Variants in CDH12 observed in about 807,000 individuals in gnomAD.
CDH12 encodes the protein cadherin 12.
A neutral mutation model predicts 74.1 loss-of-function variants in CDH12; 41 were observed. That is an observed-to-expected ratio of 0.55 (90% CI 0.43 to 0.72). The LOEUF (loss-of-function observed/expected upper bound fraction) is 0.72, where lower values mean the gene tolerates loss of function less well. Ranked by LOEUF, CDH12 falls within the 30% of genes least tolerant of loss-of-function variation. The pLI is 0.00. For synonymous variants in CDH12, 399 were observed against 355.0 expected (o/e 1.12, Z -1.39); for missense variants, 945 against 977.2 (o/e 0.97, Z 0.44).
chr5:22,681,821 GT>G (rs1409325193), intron 1 of CDH12, among the ~76,000 whole-genome samples: 1 of 151,964 alleles, frequency 6.6e-6, no homozygotes, highest in Non-Finnish European at 1.5e-5. Flanking sequence ...GAGATTGTTT[GT>G]TTTTGTTGAA....
At chr5:21,781,080 G>A (rs1170991658) in intron 11 of CDH12, among the ~76,000 whole-genome samples, 1 of 152,100 alleles carries the variant, frequency 6.6e-6, no homozygotes, top group Non-Finnish European at 1.5e-5. Context: ...TGCCCAAAGA[G>A]GGCAGATATG....
intron 1 of CDH12, among the ~76,000 whole-genome samples, chr5:22,757,405 T>C (rs995223079): frequency 2.0e-5 from 3 of 152,200 alleles, no homozygotes; most frequent in African/African-American, 2.4e-5. Context: ...CTGAGGTGTC[T>C]AGGATTATTG....
Position 22,442,066 on chromosome 5 carries a change from A to C in CDH12, c.-427-36715T>G, listed in dbSNP as rs187461070. Among the ~76,000 whole-genome samples the C allele has an allele frequency of 3.7e-3, 560 of 152,286 alleles. 4 individuals are homozygous for C. Among genetic ancestry groups the C allele is most frequent in the Middle Eastern group, 0.017 (5 of 294 alleles). ...AAAGAAGGATTTAAAGTAATATAAC[A>C]AAAGAATATCCTATATTTCACAGAT... On this transcript the variant is annotated intron_variant, in intron 2 of 14. Transcript: ENST00000382254.
At chr5:22,576,911 A>C (rs1206313361) in intron 1 of CDH12, among the ~76,000 whole-genome samples, 1 of 152,096 alleles carries the variant, frequency 6.6e-6, no homozygotes, top group Non-Finnish European at 1.5e-5. Context: ...CTTCTTAAAA[A>C]CTGTTATCAT....
intron 1 of CDH12, among the ~76,000 whole-genome samples, chr5:22,769,748 G>A (rs1465990572): frequency 6.6e-6 from 1 of 151,864 alleles, no homozygotes; most frequent in African/African-American, 2.4e-5. Flanking sequence ...ATATAATGGG[G>A]GAGTGGGGTG....
chr5:22,655,205 C>T (rs1739970559), intron 1 of CDH12, among the ~76,000 whole-genome samples: 1 of 152,156 alleles, frequency 6.6e-6, no homozygotes, highest in African/African-American at 2.4e-5. Context: ...ACTGGCAATG[C>T]CCTGGACTGA....
chr5:22,409,745 A>C (rs933974529), intron 2 of CDH12, among the ~76,000 whole-genome samples: 1 of 152,096 alleles, frequency 6.6e-6, no homozygotes, highest in African/African-American at 2.4e-5. Flanking sequence ...TACAGCAAAG[A>C]AGCTTAATTG....
intron 1 of CDH12, among the ~76,000 whole-genome samples, chr5:22,839,090 A>C (rs1018202673): frequency 1.3e-5 from 2 of 152,132 alleles, no homozygotes; most frequent in East Asian, 3.9e-4. Context: ...ATATATTTGA[A>C]AGTTTCTTAT....
intron 3 of CDH12, among the ~76,000 whole-genome samples, chr5:22,219,456 C>G (rs1405719109): frequency 6.6e-6 from 1 of 151,634 alleles, no homozygotes; most frequent in South Asian, 2.1e-4. Flanking sequence ...TCAACTTGCT[C>G]TTTTTCACTC....
At position 22,832,912 on chromosome 5, in the gene CDH12, G is replaced by A. The variant is rs370812770; in HGVS notation, c.-523+20146C>T. Among the ~76,000 whole-genome samples, 36 of 152,200 alleles carry A rather than the reference G, an allele frequency of 2.4e-4. No individual in the cohort carries two copies. In the South Asian group the frequency reaches 3.3e-3, roughly 14 times the overall value. On this transcript the variant is annotated intron_variant, in intron 1 of 14. Coordinates refer to ENST00000382254, the MANE Select transcript of CDH12 (RefSeq NM_004061.5). ...TTCACACCTGATATGCATCTTCAGC[G>A]CCATTCAGGTGTTTTTATTTAAATT...
At chr5:22,433,345 T>C (rs1183009106) in intron 2 of CDH12, among the ~76,000 whole-genome samples, 1 of 152,124 alleles carries the variant, frequency 6.6e-6, no homozygotes. Context: ...CAGTTTCAAA[T>C]GGGTACTGAT....
intron 3 of CDH12, among the ~76,000 whole-genome samples, chr5:22,299,996 C>T (rs192251067): frequency 5.7e-4 from 86 of 152,086 alleles, no homozygotes; most frequent in African/African-American, 1.9e-3. Context: ...CAAAGGATGA[C>T]AATAGATTGA....
intron 4 of CDH12, among the ~76,000 whole-genome samples, chr5:22,140,387 C>T (rs1447966399): frequency 2.6e-5 from 4 of 151,752 alleles, no homozygotes; most frequent in African/African-American, 9.7e-5. Flanking sequence ...CAAAAGAATG[C>T]CACACAATAA....
At chr5:22,722,958 A>T (rs1008794301) in intron 1 of CDH12, among the ~76,000 whole-genome samples, 1 of 152,182 alleles carries the variant, frequency 6.6e-6, no homozygotes, top group African/African-American at 2.4e-5. Flanking sequence ...ATATCACCCT[A>T]AATGAAGCTT....
chr5:22,468,246 T>A (rs1176389282), intron 2 of CDH12, among the ~76,000 whole-genome samples: 6 of 152,210 alleles, frequency 3.9e-5, no homozygotes, highest in Admixed American at 3.9e-4. Context: ...TTTGTCACCA[T>A]ATAACCATCC....
At chr5:22,599,578 TA>T (rs879756837) in intron 1 of CDH12, among the ~76,000 whole-genome samples, 17 of 144,408 alleles carry the variant, frequency 1.2e-4, no homozygotes, top group Admixed American at 2.8e-4. Context: ...ACCAACTCTG[TA>T]AAAAAAAAAA....
intron 4 of CDH12, among the ~76,000 whole-genome samples, chr5:22,131,877 G>A (rs542707398): frequency 6.6e-6 from 1 of 152,074 alleles, no homozygotes; most frequent in African/African-American, 2.4e-5. Flanking sequence ...GCCAAGGGGA[G>A]CTGGGTTGTT....
chr5:21,965,655 C>T (rs1471944380), intron 6 of CDH12, among the ~76,000 whole-genome samples: 1 of 151,454 alleles, frequency 6.6e-6, no homozygotes, highest in Admixed American at 6.6e-5. Context: ...ATAGTGCCAA[C>T]CTGTGATACC....
intron 5 of CDH12, among the ~76,000 whole-genome samples, chr5:22,065,572 C>T (rs1741501104): frequency 6.6e-6 from 1 of 152,002 alleles, no homozygotes; most frequent in South Asian, 2.1e-4. Flanking sequence ...ATTGGTAACG[C>T]TAGAATGGGT....
Sources: gnomAD v4.1 joint callset for allele counts (sites outside exome capture counted in the v4.1 genomes callset) on GRCh38, gnomAD v4.1.1 for gene constraint, MANE v1.5 for transcripts, NCBI Gene and HGNC (gene_info 2026-07-23, HGNC 2026-07-21) for gene names.